Variants in NEMP2 observed in about 807,000 individuals in gnomAD.
NEMP2 encodes the protein nuclear envelope integral membrane protein 2.
A neutral mutation model predicts 54.2 loss-of-function variants in NEMP2; 53 were observed. That is an observed-to-expected ratio of 0.98 (90% confidence interval 0.78 to 1.23). The LOEUF (loss-of-function observed/expected upper bound fraction) is 1.23. Ranked by LOEUF, NEMP2 falls within the 50% of genes most tolerant of loss-of-function variation. NEMP2 has a pLI of 0.00. For missense variants in NEMP2, 455 were observed against 511.3 expected (o/e 0.89, Z 1.06); for synonymous variants, 197 against 190.3 (o/e 1.04, Z -0.29).
chr2:190,542,631 C>G, the NEMP2 span, among the ~76,000 whole-genome samples: 67 of 152,180 alleles, frequency 4.4e-4, no homozygotes, highest in South Asian at 8.3e-4. This position sits in a 1 kb window ranked among gnomAD's most constrained non-coding sequence, Gnocchi z 4.6. Context: ...TTCAGGCTCA[C>G]TGATTCTTTC....
At chr2:190,557,106 T>C in the NEMP2 span, among the ~76,000 whole-genome samples, 4 of 152,288 alleles carry the variant, frequency 2.6e-5, no homozygotes, top group East Asian at 5.8e-4. Flanking sequence ...AAAAACAGCA[T>C]GGTACTGGTA....
chr2:190,427,587 C>T, the NEMP2 span, among the ~76,000 whole-genome samples: 1 of 152,282 alleles, frequency 6.6e-6, no homozygotes, highest in Middle Eastern at 3.4e-3. Flanking sequence ...AGGTCCATAG[C>T]TGGTCTGCCT....
the NEMP2 span, among the ~76,000 whole-genome samples, chr2:190,601,898 G>C: frequency 1.3e-5 from 2 of 152,116 alleles, no homozygotes; most frequent in Non-Finnish European, 2.9e-5. The surrounding 1 kb of genome is among the most constrained non-coding windows in gnomAD (Gnocchi z 5.8). Context: ...TAATAAGAAA[G>C]GTAGAATTTT....
chr2:190,580,871 A>G, the NEMP2 span, among the ~76,000 whole-genome samples: 2 of 152,328 alleles, frequency 1.3e-5, no homozygotes, highest in Non-Finnish European at 2.9e-5. The surrounding 1 kb of genome is among the most constrained non-coding windows in gnomAD (Gnocchi z 5.3). Context: ...GGATTAAAAT[A>G]TTGGTGCAAA....
chr2:190,577,399 G>C, the NEMP2 span, among the ~76,000 whole-genome samples: 1 of 152,076 alleles, frequency 6.6e-6, no homozygotes, highest in South Asian at 2.1e-4. This position sits in a 1 kb window ranked among gnomAD's most constrained non-coding sequence, Gnocchi z 4.8. Flanking sequence ...TAGATTATGT[G>C]TAATATTTAG....
At chr2:190,566,428 G>A in the NEMP2 span, among the ~76,000 whole-genome samples, 1 of 151,960 alleles carries the variant, frequency 6.6e-6, no homozygotes, top group South Asian at 2.1e-4. Flanking sequence ...AGACCAGCCT[G>A]GGCAGCATGG....
At chr2:190,470,702 C>T in the NEMP2 span, among the ~76,000 whole-genome samples, 7 of 152,140 alleles carry the variant, frequency 4.6e-5, no homozygotes, top group East Asian at 1.2e-3. Flanking sequence ...GAGACAAATG[C>T]GGTGTAATCA....
the NEMP2 span, among the ~76,000 whole-genome samples, chr2:190,496,655 T>TATAC: frequency 6.6e-3 from 997 of 151,858 alleles, 11 homozygotes; most frequent in Middle Eastern, 0.037. The surrounding 1 kb of genome is among the most constrained non-coding windows in gnomAD (Gnocchi z 4.7). Context: ...TGTATATGTG[T>TATAC]ATATGTGTGT....
At chr2:190,557,292 G>C in the NEMP2 span, among the ~76,000 whole-genome samples, 1 of 152,094 alleles carries the variant, frequency 6.6e-6, no homozygotes, top group South Asian at 2.1e-4. Flanking sequence ...GCTGAAATTG[G>C]ATCCCTTCCT....
chr2:190,598,682 A>G, the NEMP2 span, among the ~76,000 whole-genome samples: 1 of 152,228 alleles, frequency 6.6e-6, no homozygotes, highest in East Asian at 1.9e-4. Flanking sequence ...TTTATCTACT[A>G]GCTAGCAAAG....
At chr2:190,604,117 G>A in the NEMP2 span, among the ~76,000 whole-genome samples, 3 of 152,258 alleles carry the variant, frequency 2.0e-5, no homozygotes, top group East Asian at 1.9e-4. The surrounding 1 kb of genome is among the most constrained non-coding windows in gnomAD (Gnocchi z 4.5). Context: ...AAGCAGCTAG[G>A]GATGGTCTAC....
In NEMP2 at chr2:190,509,040, G is replaced by C; in HGVS notation, c.*149C>G. 5 of 1,179,996 alleles carry C rather than the reference G, an allele frequency of 4.2e-6. No homozygotes were observed. The highest frequency in any genetic ancestry group is 5.8e-6 in the Non-Finnish European group (5 of 865,566). The allele number at this position is 1,179,996 out of a possible 1,614,324, so 73.1% of individuals were successfully genotyped here. The stretch of plus-strand genomic sequence containing the variant: ...AGAATGCTAAGTTATCTTCAAAATG[G>C]GTTGGTTTCCCTTTCCAGACTGACT... On this transcript the variant is annotated 3_prime_UTR_variant, in exon 9 of 9. Transcript: ENST00000409150. The surrounding 1 kb of genome is among the most constrained non-coding windows in gnomAD (Gnocchi z 6.1).
chr2:190,502,853 T>C (rs150548568), downstream of NEMP2, among the ~76,000 whole-genome samples: 509 of 152,336 alleles, frequency 3.3e-3, 1 homozygote, highest in Non-Finnish European at 5.5e-3. This position sits in a 1 kb window ranked among gnomAD's most constrained non-coding sequence, Gnocchi z 4.4. Flanking sequence ...GGTGTTCCTA[T>C]CACTATCCCC....
chr2:190,522,492 C>T lies in NEMP2; in HGVS notation c.213+2771G>A, dbSNP rs980363988. Among the ~76,000 whole-genome samples the T allele has an allele frequency of 6.6e-6, 1 of 152,048 alleles. No homozygotes were observed. Among genetic ancestry groups the T allele is most frequent in the Non-Finnish European group, 1.5e-5 (1 of 68,014 alleles). ...GTAAACCAAAAATAAAATTCTAACA[C>T]CCCCGACCCCGCCAACTATCTGAAT... On this transcript the variant is annotated intron_variant, in intron 2 of 8. Transcript: ENST00000409150. This position sits in a 1 kb window ranked among gnomAD's most constrained non-coding sequence, Gnocchi z 5.0.
chr2:190,473,316 A>T, the NEMP2 span, among the ~76,000 whole-genome samples: 13 of 152,228 alleles, frequency 8.5e-5, no homozygotes. Flanking sequence ...GTCAAAACCC[A>T]TCAGTGTGCT....
the NEMP2 span, among the ~76,000 whole-genome samples, chr2:190,565,910 G>C: frequency 6.6e-6 from 1 of 152,204 alleles, no homozygotes; most frequent in Non-Finnish European, 1.5e-5. Context: ...CACCAGAACT[G>C]TGAGAAAATT....
intron 2 of NEMP2, among the ~76,000 whole-genome samples, chr2:190,524,228 GGACA>G (rs1321878348): frequency 6.6e-6 from 1 of 151,496 alleles, no homozygotes; most frequent in African/African-American, 2.4e-5. Flanking sequence ...AAAAAAAACA[GGACA>G]GATATAAAAA....
chr2:190,484,184 A>T, the NEMP2 span, among the ~76,000 whole-genome samples: 6 of 152,206 alleles, frequency 3.9e-5, no homozygotes, highest in African/African-American at 1.4e-4. Flanking sequence ...CATTGCAAGG[A>T]GAGTCAGTTC....
At chr2:190,439,147 T>A in the NEMP2 span, among the ~76,000 whole-genome samples, 2 of 151,856 alleles carry the variant, frequency 1.3e-5, no homozygotes, top group African/African-American at 4.8e-5. This position sits in a 1 kb window ranked among gnomAD's most constrained non-coding sequence, Gnocchi z 5.8. Context: ...CCGAGATGAA[T>A]CAGATGCCTC....
Sources: gnomAD v4.1 joint callset for allele counts (sites outside exome capture counted in the v4.1 genomes callset) on GRCh38, gnomAD v4.1.1 for gene constraint, Gnocchi (gnomAD v3.1) non-coding constraint, MANE v1.5 for transcripts, NCBI Gene and HGNC (gene_info 2026-07-23, HGNC 2026-07-21) for gene names.